LIMCH1: variants seen among roughly 807,000 people sequenced by gnomAD.
LIMCH1 encodes LIM and calponin homology domains-containing protein 1.
Under a neutral mutation model 176.5 loss-of-function variants are expected in LIMCH1, and 113 were observed. That is an observed-to-expected ratio of 0.64 (90% confidence interval 0.55 to 0.75). The LOEUF (loss-of-function observed/expected upper bound fraction) is 0.75. LIMCH1 is among the 30% of genes least tolerant of loss of function. LIMCH1 has a pLI of 0.00. For missense variants in LIMCH1, 1,674 were observed against 1,814.9 expected (o/e 0.92, Z 1.41); for synonymous variants, 619 against 645.9 (o/e 0.96, Z 0.63).
At chr4:41,430,171 T>C (rs563682821) in intron 1 of LIMCH1, among the ~76,000 whole-genome samples, 1 of 152,336 alleles carries the variant, frequency 6.6e-6, no homozygotes, top group Admixed American at 6.5e-5. Flanking sequence ...AGAGAAATTA[T>C]ATTTTTTGGG....
chr4:41,523,780 A>G (rs957327347), intron 2 of LIMCH1, among the ~76,000 whole-genome samples: 1 of 152,186 alleles, frequency 6.6e-6, no homozygotes, highest in Non-Finnish European at 1.5e-5. Context: ...ATATAATTTC[A>G]ATCTTTAGCT....
chr4:41,592,294 C>A (rs1467521546), intron 1 of LIMCH1, among the ~76,000 whole-genome samples: 3 of 152,166 alleles, frequency 2.0e-5, no homozygotes, highest in Admixed American at 6.5e-5. Flanking sequence ...GAACTTAGAA[C>A]CACCATGCAA....
chr4:41,540,966 A>C (rs923927587), intron 1 of LIMCH1, among the ~76,000 whole-genome samples: 9 of 152,198 alleles, frequency 5.9e-5, no homozygotes, highest in South Asian at 2.1e-4. Flanking sequence ...TGTTGAGTAG[A>C]TCTAGAAGGA....
chr4:41,466,774 A>G (rs1002687082), intron 1 of LIMCH1, among the ~76,000 whole-genome samples: 1 of 152,176 alleles, frequency 6.6e-6, no homozygotes, highest in Non-Finnish European at 1.5e-5. Context: ...AATGTACATA[A>G]CATAACATTT....
At chr4:41,653,832 C>T (rs748089437) in intron 18 of LIMCH1, among the ~76,000 whole-genome samples, 4 of 152,254 alleles carry the variant, frequency 2.6e-5, no homozygotes, top group Non-Finnish European at 5.9e-5. Context: ...TTGGGACTGT[C>T]ACTCTCTTAC....
chr4:41,581,435 C>T (rs1441570113), intron 1 of LIMCH1, among the ~76,000 whole-genome samples: 1 of 152,120 alleles, frequency 6.6e-6, no homozygotes, highest in African/African-American at 2.4e-5. Context: ...GCCCTTTTGA[C>T]CAACATTTCC....
chr4:41,563,888 A>G (rs777631153), intron 1 of LIMCH1, among the ~76,000 whole-genome samples: 15 of 152,268 alleles, frequency 9.9e-5, no homozygotes, highest in Non-Finnish European at 2.2e-4. Flanking sequence ...AAAATTTACC[A>G]TCAGGGATCT....
At chr4:41,427,760 A>G (rs2061243670) in intron 1 of LIMCH1, among the ~76,000 whole-genome samples, 1 of 152,208 alleles carries the variant, frequency 6.6e-6, no homozygotes, top group Non-Finnish European at 1.5e-5. Context: ...AGGTTATCTT[A>G]CCAAAACAGG....
At chr4:41,364,704 G>A (rs1213261758) in intron 1 of LIMCH1, among the ~76,000 whole-genome samples, 2 of 152,104 alleles carry the variant, frequency 1.3e-5, no homozygotes, top group Non-Finnish European at 2.9e-5. Flanking sequence ...CAAACTCCAA[G>A]CAGAATGCTC....
chr4:41,488,687 G>A (rs1177483496), intron 1 of LIMCH1, among the ~76,000 whole-genome samples: 2 of 152,204 alleles, frequency 1.3e-5, no homozygotes, highest in East Asian at 1.9e-4. Flanking sequence ...AATATATATT[G>A]TAGAAAGTTT....
chr4:41,529,345 C>T (rs542565178), intron 3 of LIMCH1, among the ~76,000 whole-genome samples: 1 of 152,334 alleles, frequency 6.6e-6, no homozygotes, highest in South Asian at 2.1e-4. Context: ...CGTGTGTGCA[C>T]ATATGCACAT....
chr4:41,560,294 A>G (rs559804162), intron 1 of LIMCH1, among the ~76,000 whole-genome samples: 1 of 152,068 alleles, frequency 6.6e-6, no homozygotes, highest in African/African-American at 2.4e-5. Context: ...GTCAAAGCTC[A>G]TGTGTCAAAG....
At chr4:41,470,061 A>G (rs890054778) in intron 1 of LIMCH1, among the ~76,000 whole-genome samples, 1 of 152,208 alleles carries the variant, frequency 6.6e-6, no homozygotes, top group African/African-American at 2.4e-5. Flanking sequence ...TAATAACTGC[A>G]GTGGCCAAGG....
rs2092987894 is a variant in LIMCH1, at chr4:41,626,846, G to T, written c.864G>T (p.Lys288Asn). The T allele has an allele frequency of 3.3e-6, 5 of 1,536,076 alleles. No homozygotes were observed. The highest frequency in any genetic ancestry group is 4.4e-6 in the Non-Finnish European group (5 of 1,146,938). Residue 288 changes from lysine to asparagine, a missense_variant, in exon 8 of 32, where the codon AAG becomes AAT. Coordinates refer to ENST00000503057, the MANE Select transcript of LIMCH1 (RefSeq NM_001330672.2). ...EVVCRLPDLE[K>N]DDFAARRARM... ...TGTGTCGACTGCCTGATCTTGAGAAGGATGACTTTGCTGCAAGGAGAGCAA... is the reference window on the plus strand; with the variant it reads ...TGTGTCGACTGCCTGATCTTGAGAATGATGACTTTGCTGCAAGGAGAGCAA...
chr4:41,381,482 G>T (rs1473652296), intron 1 of LIMCH1, among the ~76,000 whole-genome samples: 1 of 152,176 alleles, frequency 6.6e-6, no homozygotes, highest in African/African-American at 2.4e-5. Context: ...GGTGTGGTTG[G>T]CTATACCAGT....
At chr4:41,529,801 GCT>G (rs2152433019) in intron 3 of LIMCH1, among the ~76,000 whole-genome samples, 1 of 151,796 alleles carries the variant, frequency 6.6e-6, no homozygotes, top group East Asian at 1.9e-4. Context: ...ATCTTTCTGA[GCT>G]CTGTGAAAGG....
intron 1 of LIMCH1, among the ~76,000 whole-genome samples, chr4:41,403,902 T>C (rs1581623178): frequency 6.6e-6 from 1 of 152,176 alleles, no homozygotes; most frequent in East Asian, 1.9e-4. Flanking sequence ...ATATTTAACA[T>C]TAAAAGAGTA....
intron 1 of LIMCH1, among the ~76,000 whole-genome samples, chr4:41,541,028 A>T (rs2078568606): frequency 6.6e-6 from 1 of 152,142 alleles, no homozygotes. Context: ...GGAAGTAGGG[A>T]GAGATTTGTG....
chr4:41,658,015 T>C (rs1363741070), intron 18 of LIMCH1, among the ~76,000 whole-genome samples: 1 of 152,184 alleles, frequency 6.6e-6, no homozygotes, highest in Non-Finnish European at 1.5e-5. Context: ...TATCAAAACC[T>C]CTCAATACTG....
Sources: allele counts gnomAD v4.1 joint callset (sites outside exome capture counted in the v4.1 genomes callset), GRCh38; gene constraint gnomAD v4.1.1; transcripts MANE v1.5; gene names NCBI Gene and HGNC (gene_info 2026-07-23, HGNC 2026-07-21).